The following USP50 variants were observed in gnomAD, a reference collection of about 807,000 sequenced individuals.
The protein encoded by USP50 is ubiquitin carboxyl-terminal hydrolase 50.
Under a neutral mutation model 39.2 loss-of-function variants are expected in USP50, and 37 were observed. The observed-to-expected ratio is 0.94, with a 90% CI of 0.73 to 1.24. The LOEUF is 1.24. USP50 is among the 50% of genes most tolerant of loss of function. The probability of loss-of-function intolerance (pLI) is 0.00; values close to 1 mark genes in which losing one functional copy is unlikely to be tolerated. For missense variants in USP50, 374 were observed against 398.2 expected (o/e 0.94, Z 0.52); for synonymous variants, 139 against 144.5 (o/e 0.96, Z 0.27).
At chr15:50,493,507 C>T, downstream of USP50, 1 of 518,190 alleles carries the variant, frequency 1.9e-6, no homozygotes, top group Admixed American at 1.9e-5. Context: ...AATCCTAGCA[C>T]TTTGGGAGGC....
At chr15:50,499,063 C>T (rs1170359688), downstream of USP50, 1 of 1,610,558 alleles carries the variant, frequency 6.2e-7, no homozygotes, top group Non-Finnish European at 8.5e-7. Context: ...TCATTGGGAC[C>T]ACGAGTAACT....
downstream of USP50, chr15:50,496,202 C>T (rs775719675): frequency 4.1e-5 from 34 of 833,460 alleles, no homozygotes; most frequent in South Asian, 1.4e-4. Flanking sequence ...AAAACTCGGC[C>T]GGGCGCAGTG....
rs1017548691 is a variant in USP50, at chr15:50,542,234, G to A, written c.445-970C>T. ...TTGAAGATGTGTTAGCTCCACAGCT[G>A]GCTCTAATTTGGGGCTGTGCTCAGC... On this transcript the variant is annotated intron_variant, in intron 3 of 6. Coordinates refer to ENST00000532404, the MANE Select transcript of USP50 (RefSeq NM_203494.5). 1.0e-3 allele frequency among the ~76,000 whole-genome samples: 156 copies of A among 152,146 alleles called. 2 individuals are homozygous for A. Among genetic ancestry groups the A allele is most frequent in the African/African-American group, 3.7e-3 (154 of 41,524 alleles).
chr15:50,509,915 A>G (rs1191109697), intron 6 of USP50: 1 of 152,130 alleles, frequency 6.6e-6, no homozygotes, highest in Admixed American at 6.5e-5. Flanking sequence ...CTACTGAAAA[A>G]TAAGAATAAA....
At chr15:50,519,571 C>G (rs760773044) in intron 6 of USP50, among the ~76,000 whole-genome samples, 1 of 151,968 alleles carries the variant, frequency 6.6e-6, no homozygotes, top group African/African-American at 2.4e-5. Flanking sequence ...AAAAATTAGG[C>G]GGGTGCGGTG....
At chr15:50,542,640 C>A (rs1366853094) in intron 3 of USP50, among the ~76,000 whole-genome samples, 1 of 151,906 alleles carries the variant, frequency 6.6e-6, no homozygotes, top group Non-Finnish European at 1.5e-5. Context: ...AGGCTCCTGC[C>A]ACCACGCCTG....
At chr15:50,543,842 G>T (rs1326827533) in intron 2 of USP50, 49 bp from the exon 3 acceptor site, 5 of 1,539,910 alleles carry the variant, frequency 3.2e-6, no homozygotes, top group Non-Finnish European at 4.4e-6. Flanking sequence ...TGAAAAGAAG[G>T]CACCTAATCA....
At chr15:50,494,078 T>G in exon 2 of USP50, 1 of 1,605,578 alleles carries the variant, frequency 6.2e-7, no homozygotes, top group Admixed American at 1.7e-5. Context: ...AGGTCAAATT[T>G]GTTGGGGCAT....
chr15:50,495,304 GTGTATATATACATAC>G, intron 1 of USP50, among the ~76,000 whole-genome samples: 1 of 55,280 alleles, frequency 1.8e-5, no homozygotes, highest in Admixed American at 2.2e-4. Flanking sequence ...ACATATATAC[GTGTATATATACATAC>G]ATATATACAC....
At chr15:50,520,024 G>A (rs563394972) in intron 6 of USP50, among the ~76,000 whole-genome samples, 2 of 152,064 alleles carry the variant, frequency 1.3e-5, no homozygotes, top group East Asian at 3.9e-4. Flanking sequence ...ATACGAGCTG[G>A]CCATAGTAGC....
downstream of USP50, chr15:50,495,764 A>C: frequency 9.2e-7 from 1 of 1,092,110 alleles, no homozygotes; most frequent in South Asian, 1.6e-5. Flanking sequence ...TAAATCTGGC[A>C]AGTGTTTGTA....
At chr15:50,526,897 G>A (rs1449404837) in intron 6 of USP50, among the ~76,000 whole-genome samples, 1 of 152,204 alleles carries the variant, frequency 6.6e-6, no homozygotes, top group East Asian at 1.9e-4. Context: ...CTAGAATAAG[G>A]ATTAAATGGT....
At chr15:50,520,170 A>C (rs2052837192) in intron 6 of USP50, among the ~76,000 whole-genome samples, 1 of 152,068 alleles carries the variant, frequency 6.6e-6, no homozygotes, top group Non-Finnish European at 1.5e-5. Flanking sequence ...TCAGCTGGGC[A>C]TGGTGGCCTA....
intron 5 of USP50, among the ~76,000 whole-genome samples, chr15:50,534,214 T>G (rs2052963086): frequency 1.3e-5 from 2 of 152,188 alleles, no homozygotes; most frequent in African/African-American, 4.8e-5. Flanking sequence ...TATATTCTTG[T>G]GTATCTTTAT....
At chr15:50,495,054 A>G (rs1176066763) in intron 1 of USP50, among the ~76,000 whole-genome samples, 1 of 151,760 alleles carries the variant, frequency 6.6e-6, no homozygotes, top group Non-Finnish European at 1.5e-5. Context: ...CATGTAACCA[A>G]ATGACTCATG....
rs34381291 is a variant in USP50, at chr15:50,495,017, TAAAAAAAA to T, written n.185-895_185-888del. Reference sequence around the variant, plus strand: ...CTGGGCGACAGAGTGAGACTCTTTCTAAAAAAAAAAAAAAAAAAAATTACTCCATGTAA... The same window carrying T: ...CTGGGCGACAGAGTGAGACTCTTTCTAAAAAAAAAAAATTACTCCATGTAA... On this transcript the variant is annotated intron_variant and non_coding_transcript_variant, in intron 1 of 1. Coordinates refer to the USP50 transcript ENST00000560159. 1.2e-4 allele frequency among the ~76,000 whole-genome samples: 14 copies of T among 113,514 alleles called. 1 individual carries two copies. Among genetic ancestry groups the T allele is most frequent in the Non-Finnish European group, 2.2e-4 (12 of 53,568 alleles). The allele number at this position is 113,514 out of a possible 152,430, so 74.5% of individuals were successfully genotyped here. A position where few individuals can be genotyped will look rare whatever the true frequency, so the allele number is the denominator to read the frequency against.
At chr15:50,530,160 T>C (rs2052929167) in intron 5 of USP50, among the ~76,000 whole-genome samples, 1 of 152,174 alleles carries the variant, frequency 6.6e-6, no homozygotes, top group Admixed American at 6.5e-5. Flanking sequence ...TTCTCACCTG[T>C]AGTCCCAGCT....
rs372492769 is a variant in USP50, at chr15:50,538,711, T to C, written c.801A>G (p.Lys267=). ...CACAAAAATGTAAAAATCCATACCTTTTTAGGTGGAAAATAATTATTTTTG... is the reference window on the plus strand; with the variant it reads ...CACAAAAATGTAAAAATCCATACCTCTTTAGGTGGAAAATAATTATTTTTG... ...KAPKIIIFHL[K]RFDIQGTTKR... is the part of the protein sequence containing the mutation. The change falls in exon 5 of 7, where the codon AAA becomes AAG. Residue 267 remains lysine (K), a splice_region_variant and synonymous_variant. Transcript: ENST00000532404. The C allele has an allele frequency of 6.2e-5, 97 of 1,576,744 alleles. No homozygotes were observed. Among genetic ancestry groups the C allele is most frequent in the Non-Finnish European group, 8.2e-5 (95 of 1,161,134 alleles).
intron 6 of USP50, chr15:50,502,206 C>G (rs956967440): frequency 6.6e-6 from 1 of 150,728 alleles, no homozygotes; most frequent in Admixed American, 6.6e-5. Flanking sequence ...CTCCCAGGTT[C>G]AAGCAATTCT....
Sources: gnomAD v4.1 joint callset for allele counts (sites outside exome capture counted in the v4.1 genomes callset) on GRCh38, gnomAD v4.1.1 for gene constraint, MANE v1.5 for transcripts, NCBI Gene and HGNC (gene_info 2026-07-23, HGNC 2026-07-21) for gene names.